ATAD1: variants seen among roughly 807,000 people sequenced by gnomAD.
ATAD1 encodes the protein outer mitochondrial transmembrane helix translocase.
Under a neutral mutation model 42.7 loss-of-function variants are expected in ATAD1, and 18 were observed. That is an observed-to-expected ratio of 0.42 (90% CI 0.29 to 0.63). The LOEUF is 0.63. Among genes scored for constraint, ATAD1 ranks in the 20% least tolerant of loss-of-function variants. ATAD1 has a pLI of 0.19. For synonymous variants in ATAD1, 132 were observed against 143.1 expected (o/e 0.92, Z 0.55); for missense variants, 294 against 440.4 (o/e 0.67, Z 2.98).
intron 9 of ATAD1, among the ~76,000 whole-genome samples, chr10:87,756,214 C>T (rs1854216191): frequency 1.3e-5 from 2 of 152,110 alleles, no homozygotes; most frequent in Non-Finnish European, 2.9e-5. Flanking sequence ...CCAAGAATCA[C>T]AGAAATTGTT....
At chr10:87,834,458 T>C (rs963097367) in intron 1 of ATAD1, among the ~76,000 whole-genome samples, 8 of 152,190 alleles carry the variant, frequency 5.3e-5, no homozygotes, top group Non-Finnish European at 4.4e-5. Flanking sequence ...ATTTAATTTC[T>C]TTACAGGTAT....
chr10:87,784,024 A>C (rs1855700463), intron 5 of ATAD1, among the ~76,000 whole-genome samples: 1 of 152,118 alleles, frequency 6.6e-6, no homozygotes, highest in Non-Finnish European at 1.5e-5. Flanking sequence ...AAATATTGAC[A>C]ATTCACAAAT....
intron 2 of ATAD1, among the ~76,000 whole-genome samples, chr10:87,808,541 C>T (rs1238611977): frequency 6.6e-6 from 1 of 152,142 alleles, no homozygotes; most frequent in East Asian, 1.9e-4. Flanking sequence ...CAGAGCAAGG[C>T]TCCGTCTAAA....
chr10:87,768,325 C>T (rs1377213267), intron 7 of ATAD1, among the ~76,000 whole-genome samples: 1 of 152,150 alleles, frequency 6.6e-6, no homozygotes, highest in Non-Finnish European at 1.5e-5. Flanking sequence ...AATATAGATG[C>T]TTCTTAAAAC....
At chr10:87,833,727 C>CTTTTTTTTTTTT (rs3033524) in intron 1 of ATAD1, among the ~76,000 whole-genome samples, 3 of 100,768 alleles carry the variant, frequency 3.0e-5, no homozygotes, top group East Asian at 2.7e-4. Context: ...TCTTTCTTTC[C>CTTTTTTTTTTTT]TTTTTTTTTT....
chr10:87,837,201 G>A (rs1857945697), intron 1 of ATAD1, among the ~76,000 whole-genome samples: 1 of 152,070 alleles, frequency 6.6e-6, no homozygotes, highest in South Asian at 2.1e-4. Context: ...CTTGTATGCT[G>A]ACTAGTTTTG....
chr10:87,821,504 C>T (rs1369053905), upstream of ATAD1, among the ~76,000 whole-genome samples: 1 of 152,046 alleles, frequency 6.6e-6, no homozygotes, highest in Non-Finnish European at 1.5e-5. Context: ...TGCACTCCAG[C>T]CTGGACAACA....
chr10:87,785,805 T>C (rs1004025046), intron 4 of ATAD1, among the ~76,000 whole-genome samples: 2 of 151,962 alleles, frequency 1.3e-5, no homozygotes, highest in African/African-American at 2.4e-5. Flanking sequence ...TTCAAAATAA[T>C]GTTCAAGCTC....
chr10:87,778,531 T>C (rs569027806), intron 5 of ATAD1, among the ~76,000 whole-genome samples: 23 of 152,256 alleles, frequency 1.5e-4, no homozygotes, highest in African/African-American at 5.1e-4. Flanking sequence ...CTTATACACA[T>C]AGAATGAAGG....
intron 7 of ATAD1, 137 bp from the exon 8 acceptor site, chr10:87,767,860 C>CA (rs1435947902): frequency 1.4e-6 from 1 of 733,078 alleles, no homozygotes; most frequent in African/African-American, 1.8e-5. Flanking sequence ...TTGAAGAGGT[C>CA]AAAGCAACTA....
chr10:87,809,669 A>G (rs1857090802), intron 2 of ATAD1, among the ~76,000 whole-genome samples: 1 of 149,344 alleles, frequency 6.7e-6, no homozygotes, highest in Non-Finnish European at 1.5e-5. Flanking sequence ...TTATTTATTT[A>G]TTTTGAGATG....
At chr10:87,766,075 T>G (rs1415049477) in intron 8 of ATAD1, among the ~76,000 whole-genome samples, 1 of 151,860 alleles carries the variant, frequency 6.6e-6, no homozygotes, top group African/African-American at 2.4e-5. Flanking sequence ...AACAGAGAGA[T>G]AACCATTTTC....
At chr10:87,818,306 C>G, upstream of ATAD1, 1 of 969,384 alleles carries the variant, frequency 1.0e-6, no homozygotes, top group Non-Finnish European at 1.2e-6. Context: ...GTCGCCGGCG[C>G]GGAGGGGGCG....
chr10:87,794,174 C>T (rs889469689), intron 2 of ATAD1, among the ~76,000 whole-genome samples: 19 of 152,150 alleles, frequency 1.2e-4, no homozygotes, highest in African/African-American at 4.3e-4. Context: ...GAGCCATAAT[C>T]ATGCCACTGC....
Position 87,756,833 on chromosome 10 carries a change from G to GGCA in ATAD1, c.918_920dup (p.Ala307dup). ...TAACATATTCTCTAACACAGAGGAG[G>GGCA]GCAGCATCTCGACACATCTCTTTTA... On this transcript the variant is annotated inframe_insertion, in exon 9 of 10. Coordinates refer to ENST00000680024, the MANE Select transcript of ATAD1 (RefSeq NM_001321967.2). 1 of 1,612,256 alleles carries GGCA rather than the reference G, an allele frequency of 6.2e-7. No homozygotes were observed. The highest frequency in any genetic ancestry group is 8.5e-7 in the Non-Finnish European group (1 of 1,179,120).
intron 1 of ATAD1, among the ~76,000 whole-genome samples, chr10:87,838,802 C>T (rs890046376): frequency 1.1e-4 from 16 of 152,114 alleles, no homozygotes; most frequent in African/African-American, 3.9e-4. Flanking sequence ...GTCTGCAAGC[C>T]AGAAAGAGAG....
chr10:87,815,592 T>G (rs1857380337), intron 1 of ATAD1, among the ~76,000 whole-genome samples: 1 of 152,002 alleles, frequency 6.6e-6, no homozygotes, highest in Non-Finnish European at 1.5e-5. Flanking sequence ...AAAAGTTAGG[T>G]ACTGCAAAGA....
chr10:87,756,460 T>G (rs1013683208), intron 9 of ATAD1, among the ~76,000 whole-genome samples: 2 of 152,210 alleles, frequency 1.3e-5, no homozygotes, highest in African/African-American at 2.4e-5. Context: ...TAAATACATT[T>G]TCGTTAACAA....
intron 7 of ATAD1, 93 bp from the exon 8 acceptor site, chr10:87,767,816 C>A: frequency 8.2e-7 from 1 of 1,214,202 alleles, no homozygotes. Flanking sequence ...CTTCTAAAGT[C>A]TCTCTCAATA....
Sources: gnomAD v4.1 joint callset for allele counts (sites outside exome capture counted in the v4.1 genomes callset) on GRCh38, gnomAD v4.1.1 for gene constraint, MANE v1.5 for transcripts, NCBI Gene and HGNC (gene_info 2026-07-23, HGNC 2026-07-21) for gene names.